Variants in CNTNAP4 observed in about 807,000 individuals in gnomAD.
CNTNAP4 encodes the protein contactin associated protein family member 4.
Under a neutral mutation model 148.4 loss-of-function variants are expected in CNTNAP4, and 98 were observed. That is an observed-to-expected ratio of 0.66 (90% CI 0.56 to 0.78). The LOEUF (loss-of-function observed/expected upper bound fraction) is 0.78, where lower values mean the gene tolerates loss of function less well. CNTNAP4 is among the 30% of genes least tolerant of loss of function. The probability of loss-of-function intolerance (pLI) is 0.00; values close to 1 mark genes in which losing one functional copy is unlikely to be tolerated. For missense variants in CNTNAP4, 1,935 were observed against 1,565.6 expected (o/e 1.24, Z -3.98); for synonymous variants, 730 against 565.1 (o/e 1.29, Z -4.14).
At chr16:76,431,253 A>G (rs1466626258) in intron 4 of CNTNAP4, among the ~76,000 whole-genome samples, 1 of 152,174 alleles carries the variant, frequency 6.6e-6, no homozygotes, top group Non-Finnish European at 1.5e-5. Flanking sequence ...TTATTTGAGT[A>G]CAGTCATTCA....
At chr16:76,518,656 G>T (rs1235266598) in intron 15 of CNTNAP4, among the ~76,000 whole-genome samples, 2 of 152,018 alleles carry the variant, frequency 1.3e-5, no homozygotes, top group Non-Finnish European at 2.9e-5. Flanking sequence ...AGGGGACTTA[G>T]GATATCCATC....
At chr16:76,357,659 ACAGT>A (rs2012863278) in intron 3 of CNTNAP4, among the ~76,000 whole-genome samples, 3 of 152,214 alleles carry the variant, frequency 2.0e-5, no homozygotes, top group South Asian at 2.1e-4. Flanking sequence ...CTGGCATGTC[ACAGT>A]CAAATATTAA....
At chr16:76,418,622 C>T (rs2079072775) in intron 3 of CNTNAP4, among the ~76,000 whole-genome samples, 1 of 151,574 alleles carries the variant, frequency 6.6e-6, no homozygotes, top group Non-Finnish European at 1.5e-5. Context: ...TCCATTAGAC[C>T]CCTTAGCATA....
intron 3 of CNTNAP4, among the ~76,000 whole-genome samples, chr16:76,418,970 G>A (rs895971984): frequency 1.3e-5 from 2 of 151,822 alleles, no homozygotes; most frequent in African/African-American, 4.8e-5. Context: ...CTTCAGAGGC[G>A]GTCTTTGTTT....
At chr16:76,430,694 A>G (rs921554782) in intron 4 of CNTNAP4, among the ~76,000 whole-genome samples, 1 of 152,168 alleles carries the variant, frequency 6.6e-6, no homozygotes, top group Non-Finnish European at 1.5e-5. Flanking sequence ...CCTCATCTGC[A>G]CCAAATTAAC....
chr16:76,475,896 T>C, intron 10 of CNTNAP4, 43 bp from the exon 11 acceptor site: 1 of 1,389,864 alleles, frequency 7.2e-7, no homozygotes, highest in Non-Finnish European at 1.0e-6. Flanking sequence ...CTTTAAGATA[T>C]CTAAAAATGG....
chr16:76,318,125 C>T (rs925447321), intron 2 of CNTNAP4, among the ~76,000 whole-genome samples: 1 of 152,180 alleles, frequency 6.6e-6, no homozygotes, highest in Non-Finnish European at 1.5e-5. Flanking sequence ...GACCCACCAG[C>T]AGGAATGCTG....
At chr16:76,517,804 C>G (rs1218701534) in intron 15 of CNTNAP4, among the ~76,000 whole-genome samples, 3 of 152,166 alleles carry the variant, frequency 2.0e-5, no homozygotes, top group African/African-American at 4.8e-5. Context: ...CCTTACCCCT[C>G]TGAGCCGCTG....
chr16:76,401,485 C>T (rs1289629220), intron 3 of CNTNAP4, among the ~76,000 whole-genome samples: 1 of 152,140 alleles, frequency 6.6e-6, no homozygotes, highest in East Asian at 1.9e-4. Flanking sequence ...ATCATGTCAT[C>T]TGCAAACAGG....
At chr16:76,528,051 AT>A (rs1379011798) in intron 17 of CNTNAP4, among the ~76,000 whole-genome samples, 2 of 152,186 alleles carry the variant, frequency 1.3e-5, no homozygotes, top group Non-Finnish European at 2.9e-5. Flanking sequence ...AATATTTCAA[AT>A]AACAAAGTTA....
At chr16:76,463,955 A>C (rs896304551) in intron 9 of CNTNAP4, among the ~76,000 whole-genome samples, 8 of 152,028 alleles carry the variant, frequency 5.3e-5, no homozygotes, top group Non-Finnish European at 1.0e-4. Context: ...TGTTTATTCA[A>C]TCATTTTTTC....
At chr16:76,280,541 T>A (rs574367103) in intron 1 of CNTNAP4, among the ~76,000 whole-genome samples, 1 of 152,178 alleles carries the variant, frequency 6.6e-6, no homozygotes, top group Admixed American at 6.5e-5. Flanking sequence ...CTTATCTGTC[T>A]AAAGATGAAA....
intron 3 of CNTNAP4, among the ~76,000 whole-genome samples, chr16:76,407,592 C>T (rs945505857): frequency 2.0e-5 from 3 of 151,988 alleles, no homozygotes; most frequent in African/African-American, 7.3e-5. Context: ...AGCAAGAGAA[C>T]TAGAATTAGA....
chr16:76,357,469 T>C (rs1356298909), intron 3 of CNTNAP4, among the ~76,000 whole-genome samples: 1 of 152,222 alleles, frequency 6.6e-6, no homozygotes, highest in Non-Finnish European at 1.5e-5. Flanking sequence ...ATATCCTTAC[T>C]AGTCCAAACC....
chr16:76,323,489 G>C, intron 2 of CNTNAP4, among the ~76,000 whole-genome samples: 1 of 151,922 alleles, frequency 6.6e-6, no homozygotes, highest in African/African-American at 2.4e-5. Context: ...ATAAGTGAAG[G>C]GTTACACATT....
At chr16:76,411,615 T>G (rs558936050) in intron 3 of CNTNAP4, among the ~76,000 whole-genome samples, 1 of 151,068 alleles carries the variant, frequency 6.6e-6, no homozygotes, top group South Asian at 2.1e-4. Flanking sequence ...CATAGTGTTC[T>G]TAATGATCTA....
chr16:76,293,230 T>C (rs1959170165), intron 1 of CNTNAP4, among the ~76,000 whole-genome samples: 1 of 152,124 alleles, frequency 6.6e-6, no homozygotes, highest in South Asian at 2.1e-4. Context: ...GTTCGAGCGA[T>C]TCTCCTGCCT....
At chr16:76,475,343 A>G (rs960177262) in intron 10 of CNTNAP4, among the ~76,000 whole-genome samples, 2 of 152,214 alleles carry the variant, frequency 1.3e-5, no homozygotes, top group African/African-American at 4.8e-5. Context: ...ACCTCAAGCT[A>G]GTTAGTCACA....
At chr16:76,544,483 T>C (rs2084615451) in intron 21 of CNTNAP4, among the ~76,000 whole-genome samples, 1 of 152,226 alleles carries the variant, frequency 6.6e-6, no homozygotes, top group Non-Finnish European at 1.5e-5. Context: ...ATGGTAACCA[T>C]TTCTAACTAC....
Sources: allele counts gnomAD v4.1 joint callset (sites outside exome capture counted in the v4.1 genomes callset), GRCh38; gene constraint gnomAD v4.1.1; transcripts MANE v1.5; gene names NCBI Gene and HGNC (gene_info 2026-07-23, HGNC 2026-07-21).